The following BCKDHB variants were observed in gnomAD, a reference collection of about 807,000 sequenced individuals.
BCKDHB encodes the protein 2-oxoisovalerate dehydrogenase subunit beta, mitochondrial.
BCKDHB carries 41 observed loss-of-function variants against 48.5 expected under a neutral mutation model. That is an observed-to-expected ratio of 0.85 (90% confidence interval 0.66 to 1.10). The LOEUF is 1.10. Ranked by LOEUF, BCKDHB falls within the 50% of genes least tolerant of loss-of-function variation. BCKDHB has a pLI of 0.00. For missense variants in BCKDHB, 496 were observed against 494.2 expected, an observed-to-expected ratio of 1.00 and a Z score of -0.03; for synonymous variants, 201 against 174.8, an observed-to-expected ratio of 1.15 and a Z score of -1.18.
chr6:80,242,335 A>C (rs1776423152), intron 8 of BCKDHB, among the ~76,000 whole-genome samples: 1 of 152,056 alleles, frequency 6.6e-6, no homozygotes, highest in Non-Finnish European at 1.5e-5. Context: ...TGGGCTGTCC[A>C]TTTTATGTTT....
At chr6:80,428,771 G>A in the BCKDHB span, among the ~76,000 whole-genome samples, 6 of 151,956 alleles carry the variant, frequency 3.9e-5, no homozygotes, top group African/African-American at 1.4e-4. Flanking sequence ...CTGGATATTA[G>A]CCCTTTGTCA....
intron 8 of BCKDHB, among the ~76,000 whole-genome samples, chr6:80,205,791 G>GGGGTGT (rs1554195542): frequency 5.3e-4 from 72 of 135,168 alleles, no homozygotes; most frequent in African/African-American, 1.5e-3. Flanking sequence ...CTGTGCCATG[G>GGGGTGT]GTGTGTGTGT....
rs144052587 is a variant in BCKDHB, at chr6:80,119,867, A to AT, written c.197-7670dup. ...AAACAATGTTAATCTTTTTTTTCCT[A>AT]TTTTTTTTTTCATTATACTTTAAGT... On this transcript the variant is annotated intron_variant, in intron 1 of 9. Coordinates refer to ENST00000320393, the MANE Select transcript of BCKDHB (RefSeq NM_183050.4). 2.7e-3 allele frequency among the ~76,000 whole-genome samples: 407 copies of AT among 149,048 alleles called. 3 individuals carry two copies. Among genetic ancestry groups the AT allele is most frequent in the African/African-American group, 8.2e-3 (333 of 40,698 alleles).
the BCKDHB span, among the ~76,000 whole-genome samples, chr6:80,392,899 A>G: frequency 8.0e-6 from 1 of 125,392 alleles, no homozygotes; most frequent in Admixed American, 9.0e-5. Context: ...TTACCTACTT[A>G]GTCTAAATAA....
chr6:80,256,914 A>G (rs1562180180), intron 8 of BCKDHB, among the ~76,000 whole-genome samples: 1 of 152,236 alleles, frequency 6.6e-6, no homozygotes, highest in Non-Finnish European at 1.5e-5. Context: ...ATTGAGCAAC[A>G]GGAAAGGATG....
chr6:80,336,230 A>G (rs1274048042), intron 9 of BCKDHB, among the ~76,000 whole-genome samples: 1 of 151,898 alleles, frequency 6.6e-6, no homozygotes, highest in African/African-American at 2.4e-5. Context: ...TGACAATTTT[A>G]TATTAATGTA....
chr6:80,156,705 T>C (rs769658444), intron 3 of BCKDHB, among the ~76,000 whole-genome samples: 1 of 152,168 alleles, frequency 6.6e-6, no homozygotes, highest in Non-Finnish European at 1.5e-5. Context: ...GCCATGAGGT[T>C]ATCAGTACTG....
At chr6:80,261,427 AC>A (rs1186639117) in intron 8 of BCKDHB, among the ~76,000 whole-genome samples, 7 of 151,916 alleles carry the variant, frequency 4.6e-5, no homozygotes, top group Non-Finnish European at 1.0e-4. Context: ...TTGTTACTCA[AC>A]TTGCCTTCCT....
chr6:80,410,774 C>T, the BCKDHB span, among the ~76,000 whole-genome samples: 8 of 152,274 alleles, frequency 5.3e-5, no homozygotes, highest in East Asian at 1.2e-3. Flanking sequence ...AGTTCTCTTG[C>T]TGTGATTTTC....
At position 80,185,071 on chromosome 6, in the gene BCKDHB, A is replaced by G. The variant is rs149481423; in HGVS notation, c.742+13681A>G. Among the ~76,000 whole-genome samples, 12 of 152,244 alleles carry G rather than the reference A, an allele frequency of 7.9e-5. No individual in the cohort carries two copies. The East Asian group carries it at 1.4e-3, about 17-fold the overall frequency. ...TTTTTCTTCTTCCTCAGGAACACCA[A>G]TTATTCTTAGGTTTGGTCGTTTAAC... On this transcript the variant is annotated intron_variant, in intron 6 of 9. Transcript: ENST00000320393.
At chr6:80,295,193 C>T (rs927232158) in intron 9 of BCKDHB, among the ~76,000 whole-genome samples, 12 of 152,080 alleles carry the variant, frequency 7.9e-5, no homozygotes, top group African/African-American at 2.4e-4. Context: ...TGGGTTCCCT[C>T]GATATACTGG....
the BCKDHB span, among the ~76,000 whole-genome samples, chr6:80,392,834 C>T: frequency 3.3e-5 from 5 of 149,682 alleles, no homozygotes; most frequent in African/African-American, 1.2e-4. Flanking sequence ...CATTCTAATT[C>T]CCACTCTCCA....
chr6:80,408,532 G>T, the BCKDHB span, among the ~76,000 whole-genome samples: 1 of 152,056 alleles, frequency 6.6e-6, no homozygotes, highest in African/African-American at 2.4e-5. Flanking sequence ...CTCAATTTCA[G>T]AAACTGTTAT....
At chr6:80,387,796 C>G in the BCKDHB span, among the ~76,000 whole-genome samples, 11 of 152,300 alleles carry the variant, frequency 7.2e-5, no homozygotes, top group East Asian at 2.1e-3. Context: ...TTTGGAGAGA[C>G]CTTGGTCGCT....
At chr6:80,351,393 T>C in the BCKDHB span, among the ~76,000 whole-genome samples, 1 of 152,162 alleles carries the variant, frequency 6.6e-6, no homozygotes, top group South Asian at 2.1e-4. Flanking sequence ...CTTTTCTTCA[T>C]TTCTTTCATC....
chr6:80,188,058 C>G (rs766670359), intron 6 of BCKDHB, among the ~76,000 whole-genome samples: 3 of 152,034 alleles, frequency 2.0e-5, no homozygotes, highest in Non-Finnish European at 4.4e-5. Flanking sequence ...TTCACAATAG[C>G]AAAGACGTAA....
chr6:80,405,271 T>C, the BCKDHB span, among the ~76,000 whole-genome samples: 2 of 152,204 alleles, frequency 1.3e-5, no homozygotes, highest in Non-Finnish European at 2.9e-5. Flanking sequence ...ATAAATTGCT[T>C]TATCATTATT....
chr6:80,200,204 G>T (rs896244848), intron 6 of BCKDHB, among the ~76,000 whole-genome samples: 1 of 151,820 alleles, frequency 6.6e-6, no homozygotes, highest in African/African-American at 2.4e-5. Context: ...TATATAACTT[G>T]GTTGGGCAGA....
chr6:80,435,644 T>C, the BCKDHB span, among the ~76,000 whole-genome samples: 1 of 152,214 alleles, frequency 6.6e-6, no homozygotes, highest in African/African-American at 2.4e-5. Flanking sequence ...TAAAGTTCAT[T>C]TCTTCACTCA....
Sources: allele counts gnomAD v4.1 joint callset (sites outside exome capture counted in the v4.1 genomes callset), GRCh38; gene constraint gnomAD v4.1.1; transcripts MANE v1.5; gene names NCBI Gene and HGNC (gene_info 2026-07-23, HGNC 2026-07-21).